Variants in CRISPLD2 observed in about 807,000 individuals in gnomAD.
CRISPLD2 encodes the protein cysteine rich secretory protein LCCL domain containing 2.
CRISPLD2 carries 47 observed loss-of-function variants against 71.1 expected under a neutral mutation model. The ratio of observed to expected loss-of-function variants is 0.66; its 90% CI spans 0.52 to 0.84. CRISPLD2 has a LOEUF of 0.84. Ranked by LOEUF, CRISPLD2 falls within the 40% of genes least tolerant of loss-of-function variation. CRISPLD2 has a pLI of 0.00. For synonymous variants in CRISPLD2, 317 were observed against 250.1 expected (o/e 1.27, Z -2.52); for missense variants, 830 against 651.1 (o/e 1.27, Z -2.99).
intron 13 of CRISPLD2, among the ~76,000 whole-genome samples, chr16:84,882,347 C>CAAAAAAAAAAAAAAA (rs80146835): frequency 7.7e-5 from 6 of 77,462 alleles, no homozygotes; most frequent in East Asian, 3.3e-4. Flanking sequence ...ACCAATAAAG[C>CAAAAAAAAAAAAAAA]AAAAAAAAAA....
At chr16:84,898,288 C>G (rs777316216) in intron 14 of CRISPLD2, among the ~76,000 whole-genome samples, 2 of 152,186 alleles carry the variant, frequency 1.3e-5, no homozygotes, top group South Asian at 2.1e-4. Context: ...AAGGCTCCCC[C>G]GCCAGTGGCT....
chr16:84,835,004 T>C (rs924234190), intron 1 of CRISPLD2, among the ~76,000 whole-genome samples: 10 of 152,138 alleles, frequency 6.6e-5, no homozygotes, highest in Non-Finnish European at 1.3e-4. Flanking sequence ...CTCAAACCCA[T>C]AGCTGTGTGC....
intron 1 of CRISPLD2, among the ~76,000 whole-genome samples, chr16:84,825,361 G>A (rs891258386): frequency 1.3e-5 from 2 of 152,160 alleles, no homozygotes; most frequent in African/African-American, 2.4e-5. Context: ...CCAGGAGTTC[G>A]AGTCCAGCTT....
chr16:84,823,631 A>G (rs1433437870), intron 1 of CRISPLD2, among the ~76,000 whole-genome samples: 1 of 152,192 alleles, frequency 6.6e-6, no homozygotes, highest in African/African-American at 2.4e-5. Flanking sequence ...CTTCTACCCC[A>G]GGCTGTACAA....
chr16:84,885,572 C>A (rs758243398), intron 13 of CRISPLD2, among the ~76,000 whole-genome samples: 1 of 152,192 alleles, frequency 6.6e-6, no homozygotes, highest in Non-Finnish European at 1.5e-5. Flanking sequence ...CGGGACCCCG[C>A]TTTGGGCTAA....
chr16:84,821,970 C>G (rs1916241120), intron 1 of CRISPLD2, among the ~76,000 whole-genome samples: 2 of 152,232 alleles, frequency 1.3e-5, no homozygotes, highest in South Asian at 4.1e-4. Flanking sequence ...GCCGTCCAGG[C>G]TGGGCCCTGC....
chr16:84,834,952 C>G (rs545413436), intron 1 of CRISPLD2, among the ~76,000 whole-genome samples: 3 of 152,114 alleles, frequency 2.0e-5, no homozygotes, highest in Non-Finnish European at 4.4e-5. Flanking sequence ...TTTGGAGGTC[C>G]TGGACATTAG....
chr16:84,901,442 A>G (rs1486343293), intron 14 of CRISPLD2, among the ~76,000 whole-genome samples: 17 of 146,734 alleles, frequency 1.2e-4, no homozygotes. Flanking sequence ...TTTAATTTTG[A>G]TGTGGAAAGA....
intron 6 of CRISPLD2, among the ~76,000 whole-genome samples, chr16:84,859,228 G>T (rs1413182175): frequency 6.6e-6 from 1 of 152,096 alleles, no homozygotes; most frequent in Non-Finnish European, 1.5e-5. Context: ...CTGACACTGG[G>T]GAAGTGACCA....
intron 6 of CRISPLD2, among the ~76,000 whole-genome samples, chr16:84,864,671 G>A (rs1360521336): frequency 6.6e-6 from 1 of 152,198 alleles, no homozygotes; most frequent in Non-Finnish European, 1.5e-5. Context: ...GGATTCTCTG[G>A]GGGTTTTGGT....
At chr16:84,867,191 T>A in intron 7 of CRISPLD2, 151 bp downstream of exon 7, 1 of 743,770 alleles carries the variant, frequency 1.3e-6, no homozygotes, top group Non-Finnish European at 2.2e-6. Flanking sequence ...GGCACAACCA[T>A]AAGACGTTTT....
intron 14 of CRISPLD2, among the ~76,000 whole-genome samples, chr16:84,903,061 C>G (rs935706087): frequency 6.6e-6 from 1 of 152,104 alleles, no homozygotes; most frequent in African/African-American, 2.4e-5. Context: ...ATCCACCGTG[C>G]CTGGCCTAAA....
In CRISPLD2 at chr16:84,905,389, A is replaced by G. The variant is rs139158561; in HGVS notation, c.1440-1199A>G. ...TTTATACGGTATGTTAAACTTAATA[A>G]AGTTGGTTTGGTTTTTTTTTTGTTT... is the stretch of plus-strand genomic sequence containing the variant. On this transcript the variant is annotated intron_variant, in intron 14 of 14. Transcript: ENST00000262424. Among the ~76,000 whole-genome samples, 134 of 152,294 alleles carry G rather than the reference A, an allele frequency of 8.8e-4. 1 individual carries two copies. The highest frequency in any genetic ancestry group is 3.9e-3 in the Admixed American group (59 of 15,286).
chr16:84,905,400 G>T (rs541728673), intron 14 of CRISPLD2, among the ~76,000 whole-genome samples: 14 of 149,272 alleles, frequency 9.4e-5, no homozygotes, highest in South Asian at 2.1e-4. Context: ...AGTTGGTTTG[G>T]TTTTTTTTTT....
At chr16:84,883,645 G>C (rs2071587183) in intron 13 of CRISPLD2, among the ~76,000 whole-genome samples, 1 of 152,202 alleles carries the variant, frequency 6.6e-6, no homozygotes, top group African/African-American at 2.4e-5. Flanking sequence ...CAGAGAATCT[G>C]CATTCCAACA....
rs2071823552 is a variant in CRISPLD2, at chr16:84,908,386, A to G, written c.*1744A>G. 6.6e-6 allele frequency: 1 copy of G among 152,336 alleles called. No individual in the cohort carries two copies. The highest frequency in any genetic ancestry group is 2.4e-5 in the African/African-American group (1 of 41,432). The allele number at this position is 152,336 out of a possible 1,614,324, so 9.4% of individuals were successfully genotyped here. A position where few individuals can be genotyped will look rare whatever the true frequency, so the allele number is the denominator to read the frequency against. On this transcript the variant is annotated 3_prime_UTR_variant, in exon 15 of 15. Coordinates refer to ENST00000262424, the MANE Select transcript of CRISPLD2 (RefSeq NM_031476.4). ...CTGTCAGGTCGTGAGTCCAGTTACC[A>G]CCAAACATCTGGGAAACTTCTGGGT... is the stretch of plus-strand genomic sequence containing the variant.
intron 14 of CRISPLD2, among the ~76,000 whole-genome samples, chr16:84,897,118 G>T (rs976046034): frequency 6.6e-6 from 1 of 152,196 alleles, no homozygotes; most frequent in Non-Finnish European, 1.5e-5. Flanking sequence ...AGAGTCCCTG[G>T]ATTGTTCCTG....
chr16:84,899,265 G>A (rs1168524706), intron 14 of CRISPLD2, among the ~76,000 whole-genome samples: 1 of 152,218 alleles, frequency 6.6e-6, no homozygotes, highest in Non-Finnish European at 1.5e-5. Flanking sequence ...TTGATAAAAA[G>A]TCCAATACCT....
chr16:84,864,213 C>T (rs1300105214), intron 6 of CRISPLD2, among the ~76,000 whole-genome samples: 3 of 152,060 alleles, frequency 2.0e-5, no homozygotes, highest in Non-Finnish European at 4.4e-5. Context: ...TCCCCAGGCC[C>T]GTGCTGGGCC....
Sources: gnomAD v4.1 joint callset for allele counts (sites outside exome capture counted in the v4.1 genomes callset) on GRCh38, gnomAD v4.1.1 for gene constraint, MANE v1.5 for transcripts, NCBI Gene and HGNC (gene_info 2026-07-23, HGNC 2026-07-21) for gene names.